PRKG1: variants seen among roughly 807,000 people sequenced by gnomAD.
PRKG1 encodes protein kinase cGMP-dependent 1.
PRKG1 carries 35 observed loss-of-function variants against 88.1 expected under a neutral mutation model. The observed-to-expected ratio is 0.40, with a 90% CI of 0.30 to 0.53. The LOEUF (loss-of-function observed/expected upper bound fraction) is 0.53, where lower values mean the gene tolerates loss of function less well. Ranked by LOEUF, PRKG1 falls within the 20% of genes least tolerant of loss-of-function variation. PRKG1 has a pLI of 0.59. For synonymous variants in PRKG1, 303 were observed against 292.5 expected (o/e 1.04, Z -0.37); for missense variants, 540 against 839.8 (o/e 0.64, Z 4.41).
chr10:51,160,875 C>CGT (rs71459406), intron 2 of PRKG1, among the ~76,000 whole-genome samples: 199 of 150,066 alleles, frequency 1.3e-3, no homozygotes, highest in Middle Eastern at 3.5e-3. Flanking sequence ...TCTTCATGCT[C>CGT]GTGTGTGTGT....
chr10:51,036,104 C>T (rs1390993171), intron 1 of PRKG1, among the ~76,000 whole-genome samples: 3 of 152,152 alleles, frequency 2.0e-5, no homozygotes, highest in Non-Finnish European at 2.9e-5. Context: ...ATGCTCCTTG[C>T]TGTCCCCTTG....
At chr10:51,943,591 T>A (rs1842958124) in intron 5 of PRKG1, among the ~76,000 whole-genome samples, 4 of 152,086 alleles carry the variant, frequency 2.6e-5, no homozygotes, top group Admixed American at 2.6e-4. Context: ...GCTGTGAGTT[T>A]GTCATAGATA....
intron 9 of PRKG1, among the ~76,000 whole-genome samples, chr10:52,180,319 C>T (rs962267219): frequency 1.2e-4 from 18 of 152,078 alleles, no homozygotes; most frequent in African/African-American, 1.7e-4. Flanking sequence ...AATTGTTTCC[C>T]GGATTTGTTT....
intron 4 of PRKG1, among the ~76,000 whole-genome samples, chr10:51,900,056 A>G (rs1045081348): frequency 6.6e-6 from 1 of 152,154 alleles, no homozygotes; most frequent in Admixed American, 6.6e-5. Flanking sequence ...TGCTGGTGCC[A>G]TGCTTTTACA....
At chr10:51,510,101 C>A (rs540722532) in intron 3 of PRKG1, among the ~76,000 whole-genome samples, 2 of 152,162 alleles carry the variant, frequency 1.3e-5, no homozygotes, top group African/African-American at 2.4e-5. Context: ...TACCAACCTC[C>A]CTTTCCTTTC....
intron 1 of PRKG1, among the ~76,000 whole-genome samples, chr10:51,121,412 TTC>T (rs1442477928): frequency 1.3e-5 from 2 of 152,266 alleles, no homozygotes; most frequent in African/African-American, 4.8e-5. Context: ...TCATGAGTTT[TTC>T]TCTCTCTGCA....
Position 51,374,093 on chromosome 10 carries a change from A to AAAATATATATATAT in PRKG1, c.479-93629_479-93628insAATATATATATATA. Among the ~76,000 whole-genome samples the AAAATATATATATAT allele has an allele frequency of 5.8e-4, 58 of 100,180 alleles. 1 individual carries two copies. The highest frequency in any genetic ancestry group is 1.7e-3 in the African/African-American group (49 of 29,648). 65.7% of individuals were successfully genotyped at this position (100,180 alleles called of 152,430 possible). On this transcript the variant is annotated intron_variant, in intron 2 of 17. Coordinates refer to ENST00000373980, the MANE Select transcript of PRKG1 (RefSeq NM_006258.4). ...GCTGGCAGAGGTTGCAAAAAAAAAA[A>AAAATATATATATAT]ATATATATATATATATATATGTACT...
chr10:51,756,391 G>A (rs756519180), intron 3 of PRKG1, among the ~76,000 whole-genome samples: 64 of 152,072 alleles, frequency 4.2e-4, no homozygotes, highest in Admixed American at 9.8e-4. Flanking sequence ...GGAGGCTGAG[G>A]TGGGAGGATT....
intron 6 of PRKG1, among the ~76,000 whole-genome samples, chr10:52,060,288 A>G (rs971583789): frequency 2.6e-5 from 4 of 151,898 alleles, no homozygotes; most frequent in Admixed American, 2.6e-4. Flanking sequence ...AATTAGGAAA[A>G]AATTAAAAGA....
At chr10:51,476,717 G>A (rs1313155307) in intron 3 of PRKG1, among the ~76,000 whole-genome samples, 1 of 151,982 alleles carries the variant, frequency 6.6e-6, no homozygotes, top group African/African-American at 2.4e-5. Context: ...ACAGCCTCCA[G>A]GAGCTCCATC....
intron 7 of PRKG1, among the ~76,000 whole-genome samples, chr10:52,116,452 A>T (rs920773079): frequency 6.6e-6 from 1 of 152,166 alleles, no homozygotes; most frequent in African/African-American, 2.4e-5. Flanking sequence ...AATAATTTTC[A>T]TTATTTTCTG....
At chr10:52,260,596 G>T (rs1381068888) in intron 10 of PRKG1, among the ~76,000 whole-genome samples, 1 of 152,044 alleles carries the variant, frequency 6.6e-6, no homozygotes, top group Non-Finnish European at 1.5e-5. Flanking sequence ...CTATTCATGT[G>T]CTCAATTTAA....
intron 2 of PRKG1, among the ~76,000 whole-genome samples, chr10:51,256,107 G>A (rs1336599353): frequency 2.0e-5 from 3 of 152,132 alleles, no homozygotes; most frequent in Admixed American, 6.6e-5. Flanking sequence ...ACCCAATAGA[G>A]TGTCTTCAGT....
At chr10:52,274,884 G>A (rs542427167) in intron 12 of PRKG1, among the ~76,000 whole-genome samples, 34 of 152,204 alleles carry the variant, frequency 2.2e-4, no homozygotes, top group Admixed American at 2.2e-3. Context: ...TCTTGCAGGA[G>A]GGAGGTGGTA....
chr10:51,080,700 G>T (rs1470108346), intron 1 of PRKG1, among the ~76,000 whole-genome samples: 1 of 152,168 alleles, frequency 6.6e-6, no homozygotes, highest in Non-Finnish European at 1.5e-5. Flanking sequence ...TCACATCCTT[G>T]GCATTTTGTA....
intron 3 of PRKG1, 74 bp downstream of exon 3, chr10:51,467,910 C>A (rs1839949632): frequency 8.5e-7 from 1 of 1,171,740 alleles, no homozygotes; most frequent in Non-Finnish European, 1.3e-6. Context: ...GTTTAAAATG[C>A]CCATTCATTT....
intron 5 of PRKG1, among the ~76,000 whole-genome samples, chr10:51,927,367 C>A (rs1035468450): frequency 1.3e-5 from 2 of 152,132 alleles, no homozygotes; most frequent in African/African-American, 4.8e-5. Context: ...ACTGTGAGGC[C>A]TCTCCAGCCA....
chr10:51,262,237 T>C (rs1326054190), intron 2 of PRKG1, among the ~76,000 whole-genome samples: 1 of 152,162 alleles, frequency 6.6e-6, no homozygotes, highest in African/African-American at 2.4e-5. Context: ...TTATTATGAT[T>C]AATGTGAAAT....
intron 9 of PRKG1, among the ~76,000 whole-genome samples, chr10:52,175,559 G>A (rs1176839149): frequency 3.3e-5 from 5 of 151,878 alleles, no homozygotes; most frequent in South Asian, 2.1e-4. Flanking sequence ...AGTTTTTTTC[G>A]TGGAACTTCA....
Sources: allele counts gnomAD v4.1 joint callset (sites outside exome capture counted in the v4.1 genomes callset), GRCh38; gene constraint gnomAD v4.1.1; transcripts MANE v1.5; gene names NCBI Gene and HGNC (gene_info 2026-07-23, HGNC 2026-07-21).